The following NAXD variants were observed in gnomAD, a reference collection of about 807,000 sequenced individuals.
NAXD encodes ATP-dependent (S)-NAD(P)H-hydrate dehydratase.
NAXD carries 22 observed loss-of-function variants against 35.8 expected under a neutral mutation model. The observed-to-expected ratio is 0.62, with a 90% CI of 0.44 to 0.88. The LOEUF (loss-of-function observed/expected upper bound fraction) is 0.88. Ranked by LOEUF, NAXD falls within the 40% of genes least tolerant of loss-of-function variation. NAXD has a pLI of 0.00. For missense variants in NAXD, 428 were observed against 437.7 expected (o/e 0.98, Z 0.20); for synonymous variants, 189 against 177.6 (o/e 1.06, Z -0.51).
In NAXD at chr13:110,615,570, C is replaced by G. The variant is rs1886009487; in HGVS notation, c.-32C>G. 7.5e-7 allele frequency: 1 copy of G among 1,337,142 alleles called. No individual in the cohort carries two copies. The highest frequency in any genetic ancestry group is 3.9e-5 in the Admixed American group (1 of 25,920). The allele number at this position is 1,337,142 out of a possible 1,614,324, so 82.8% of individuals were successfully genotyped here. On this transcript the variant is annotated 5_prime_UTR_variant, in exon 1 of 10. Transcript: ENST00000680254. The stretch of plus-strand genomic sequence containing the variant: ...AATGGCTGTGTTTCCGGCGACGGCG[C>G]GGGGGCAGCTGGGAATCCGGAATGC...
rs185279836 is a variant in NAXD at position 110,630,274 on chromosome 13, C to T, written c.441+2727C>T. On this transcript the variant is annotated intron_variant, in intron 5 of 9. Coordinates refer to ENST00000680254, the MANE Select transcript of NAXD (RefSeq NM_001242882.2). ...GAACTCCTGACCTTAGGTATCCGCC[C>T]GCCTCAGCCTCCCAAAGTGCTGGGG... 9.7e-4 allele frequency among the ~76,000 whole-genome samples: 148 copies of T among 152,238 alleles called. 2 individuals are homozygous for T. Among genetic ancestry groups the T allele is most frequent in the African/African-American group, 3.0e-3 (124 of 41,542 alleles).
Position 110,628,905 on chromosome 13 carries a change from C to T in NAXD, c.441+1358C>T, listed in dbSNP as rs7995119. Among the ~76,000 whole-genome samples the T allele has an allele frequency of 0.15, 21,969 of 151,378 alleles. 1,941 individuals carry two copies. The highest frequency in any genetic ancestry group is 0.26 in the Admixed American group (4,010 of 15,256). Reference sequence around the variant, plus strand: ...TATTTTCTTTGTGAATTTAAGTTCACAATTTAAAAACTGGTATCTTAAAAA... The same window carrying T: ...TATTTTCTTTGTGAATTTAAGTTCATAATTTAAAAACTGGTATCTTAAAAA... On this transcript the variant is annotated intron_variant, in intron 5 of 9. Coordinates refer to ENST00000680254, the MANE Select transcript of NAXD (RefSeq NM_001242882.2). This position sits in a 1 kb window ranked among gnomAD's most constrained non-coding sequence, Gnocchi z 4.1.
intron 5 of NAXD, among the ~76,000 whole-genome samples, chr13:110,632,483 G>C (rs1886741609): frequency 6.6e-6 from 1 of 152,172 alleles, no homozygotes; most frequent in African/African-American, 2.4e-5. Flanking sequence ...CCTGCTGATT[G>C]GTAGAGCCGA....
rs1412397083 is a variant in NAXD at position 110,615,770 on chromosome 13, C to T, written c.46+123C>T. ...TCGCGCTGTACGGGCCGCCACTGGA[C>T]GCAGGTACCCGACCGCTGACCGCCT... On this transcript the variant is annotated intron_variant, in intron 1 of 9. Coordinates refer to ENST00000680254, the MANE Select transcript of NAXD (RefSeq NM_001242882.2). The T allele has an allele frequency of 4.3e-6, 6 of 1,396,436 alleles. No individual in the cohort carries two copies. In the Admixed American group the frequency reaches 8.6e-5, roughly 20 times the overall value. 86.5% of individuals were successfully genotyped at this position (1,396,436 alleles called of 1,614,324 possible). A position where few individuals can be genotyped will look rare whatever the true frequency, so the allele number is the denominator to read the frequency against.
chr13:110,638,161 A>G lies in NAXD; in HGVS notation c.840-217A>G, dbSNP rs1034275533. ...CCTGGACCTGTCTCCGAGTACATAG[A>G]CGTTTCCTGTGTGCCTCCTGCCAGG... On this transcript the variant is annotated intron_variant, in intron 9 of 9. Transcript: ENST00000680254. This position sits in a 1 kb window ranked among gnomAD's most constrained non-coding sequence, Gnocchi z 5.4. 2 of 1,369,950 alleles carry G rather than the reference A, an allele frequency of 1.5e-6. No individual in the cohort carries two copies. Among genetic ancestry groups the G allele is most frequent in the African/African-American group, 2.9e-5 (2 of 68,776 alleles). 84.9% of individuals were successfully genotyped at this position (1,369,950 alleles called of 1,614,324 possible).
At chr13:110,627,779 G>C (rs1459787922) in intron 5 of NAXD, among the ~76,000 whole-genome samples, 1 of 152,186 alleles carries the variant, frequency 6.6e-6, no homozygotes, top group South Asian at 2.1e-4. Flanking sequence ...GCTGCAGGAG[G>C]TGTGTGTGTG....
chr13:110,622,518 T>C (rs1019563728), intron 2 of NAXD, 152 bp downstream of exon 2: 41 of 712,184 alleles, frequency 5.8e-5, no homozygotes, highest in Non-Finnish European at 9.0e-5. Flanking sequence ...GATCCACTTT[T>C]TGATTAACTA....
At chr13:110,627,592 T>G (rs765455122) in intron 5 of NAXD, 45 bp downstream of exon 5, 1 of 1,384,832 alleles carries the variant, frequency 7.2e-7, no homozygotes, top group South Asian at 1.2e-5. Flanking sequence ...GGCTTAGCCT[T>G]AGGCGTGAAG....
In NAXD at chr13:110,637,262, C is replaced by G; in HGVS notation, c.839+13C>G. ...AGAAAACAAATGGGTAAGGCCACGT[C>G]TTCATTTATTCTACTTTGAAACCGT... is the stretch of plus-strand genomic sequence containing the variant. On this transcript the variant is annotated intron_variant, in intron 9 of 9. Transcript: ENST00000680254. The G allele has an allele frequency of 1.2e-6, 2 of 1,613,790 alleles. No homozygotes were observed. The highest frequency in any genetic ancestry group is 1.7e-6 in the Non-Finnish European group (2 of 1,179,900).
Position 110,624,167 on chromosome 13 carries a change from T to C in NAXD, c.198-67T>C, listed in dbSNP as rs939588392. On this transcript the variant is annotated intron_variant, in intron 2 of 9. Coordinates refer to ENST00000680254, the MANE Select transcript of NAXD (RefSeq NM_001242882.2). Reference sequence around the variant, plus strand: ...TTATGTCTATTTTTTATTGATAACCTATTTATTGATCAAGGTATGCTTACC... The same window carrying C: ...TTATGTCTATTTTTTATTGATAACCCATTTATTGATCAAGGTATGCTTACC... 3 of 865,650 alleles carry C rather than the reference T, an allele frequency of 3.5e-6. No homozygotes were observed. The African/African-American group carries it at 5.1e-5, about 15-fold the overall frequency. The allele number at this position is 865,650 out of a possible 1,614,324, so 53.6% of individuals were successfully genotyped here. A position where few individuals can be genotyped will look rare whatever the true frequency, so the allele number is the denominator to read the frequency against.
chr13:110,630,588 C>G (rs572772586), intron 5 of NAXD, among the ~76,000 whole-genome samples: 1 of 152,216 alleles, frequency 6.6e-6, no homozygotes, highest in South Asian at 2.1e-4. Context: ...CTGTTGGTGT[C>G]TTATCTCAGA....
rs966802528 is a variant in NAXD, at chr13:110,628,658, C to T, written c.441+1111C>T. On this transcript the variant is annotated intron_variant, in intron 5 of 9. Transcript: ENST00000680254. The surrounding 1 kb of genome is among the most constrained non-coding windows in gnomAD (Gnocchi z 4.1). ...GCGGCGTGGAGTCAGCACGGGAGCCCGTCTTTGAGCTTTAAGGTCTTACCC... is the reference window on the plus strand; with the variant it reads ...GCGGCGTGGAGTCAGCACGGGAGCCTGTCTTTGAGCTTTAAGGTCTTACCC... 5.3e-5 allele frequency among the ~76,000 whole-genome samples: 8 copies of T among 152,142 alleles called. No homozygotes were observed. The South Asian group carries it at 8.3e-4, about 16-fold the overall frequency.
At position 110,638,606 on chromosome 13, in the gene NAXD, G is replaced by C. The variant is rs757383981; in HGVS notation, c.*78G>C. 2.0e-6 allele frequency: 3 copies of C among 1,514,956 alleles called. No individual in the cohort carries two copies. The highest frequency in any genetic ancestry group is 3.3e-5 in the Admixed American group (2 of 59,702). 93.8% of individuals were successfully genotyped at this position (1,514,956 alleles called of 1,614,324 possible). On this transcript the variant is annotated 3_prime_UTR_variant, in exon 10 of 10. Coordinates refer to ENST00000680254, the MANE Select transcript of NAXD (RefSeq NM_001242882.2). The surrounding 1 kb of genome is among the most constrained non-coding windows in gnomAD (Gnocchi z 5.4). ...GTGATGGGAAAATCCGGACCCACGC[G>C]TGTGCTGAAGGCGTACGGTGCTTGC...
chr13:110,628,127 G>A lies in NAXD; in HGVS notation c.441+580G>A, dbSNP rs143775857. Among the ~76,000 whole-genome samples, 4 of 152,332 alleles carry A rather than the reference G, an allele frequency of 2.6e-5. No homozygotes were observed. Among genetic ancestry groups the A allele is most frequent in the African/African-American group, 9.6e-5 (4 of 41,576 alleles). ...TTATTCTGATCACTTTGTGCCTGCT[G>A]TAAATAAATACCACCTGGGATCAGG... On this transcript the variant is annotated intron_variant, in intron 5 of 9. Coordinates refer to ENST00000680254, the MANE Select transcript of NAXD (RefSeq NM_001242882.2). The surrounding 1 kb of genome is among the most constrained non-coding windows in gnomAD (Gnocchi z 4.1).
intron 1 of NAXD, among the ~76,000 whole-genome samples, chr13:110,621,799 G>A (rs1886275207): frequency 6.6e-6 from 1 of 152,156 alleles, no homozygotes; most frequent in Admixed American, 6.5e-5. Flanking sequence ...AGAGGCTGCA[G>A]CTGGCAGATC....
chr13:110,638,765 T>C lies in NAXD; in HGVS notation c.*237T>C. On this transcript the variant is annotated 3_prime_UTR_variant, in exon 10 of 10. Transcript: ENST00000680254. This position sits in a 1 kb window ranked among gnomAD's most constrained non-coding sequence, Gnocchi z 5.4. ...TAAACAAAGTATTCCTGAACTTTCCTTAGCTCCTTGGTAGTAACTGGGAAG... is the reference window on the plus strand; with the variant it reads ...TAAACAAAGTATTCCTGAACTTTCCCTAGCTCCTTGGTAGTAACTGGGAAG... 1.5e-6 allele frequency: 1 copy of C among 682,994 alleles called. No homozygotes were observed. The allele number at this position is 682,994 out of a possible 1,614,324, so 42.3% of individuals were successfully genotyped here. A position where few individuals can be genotyped will look rare whatever the true frequency, so the allele number is the denominator to read the frequency against.
Position 110,622,348 on chromosome 13 carries a change from T to G in NAXD, c.179T>G (p.Val60Gly). Residue 60 changes from valine (V) to glycine (G), a missense_variant, in exon 2 of 10, where the codon GTA becomes GGA. Val to Gly is a moderately radical substitution (Grantham distance 109, BLOSUM62 -3). Transcript: ENST00000680254. ...AAAGGGCAAGATGGAAGAATAGGCGTAGTTGGAGGCTGTCAGGAGTAAGTA... is the reference window on the plus strand; with the variant it reads ...AAAGGGCAAGATGGAAGAATAGGCGGAGTTGGAGGCTGTCAGGAGTAAGTA... ...KHKGQDGRIG[V>G]VGGCQEYTGA... 6.2e-7 allele frequency: 1 copy of G among 1,614,176 alleles called. No homozygotes were observed. The highest frequency in any genetic ancestry group is 8.5e-7 in the Non-Finnish European group (1 of 1,180,016).
At chr13:110,637,046 G>T (rs892175537) in intron 8 of NAXD, 83 bp from the exon 9 acceptor site, 3 of 1,479,230 alleles carry the variant, frequency 2.0e-6, no homozygotes, top group Non-Finnish European at 2.7e-6. Context: ...TCTGCCTGCC[G>T]TGCGGCCTTC....
Position 110,627,459 on chromosome 13 carries a change from A to T in NAXD, c.353A>T (p.His118Leu). 6.2e-7 allele frequency: 1 copy of T among 1,613,970 alleles called. No homozygotes were observed. The highest frequency in any genetic ancestry group is 8.5e-7 in the Non-Finnish European group (1 of 1,179,878). ...HPVLDSPNAV[H>L]EVEKWLPRLH... The stretch of plus-strand genomic sequence containing the variant: ...TTTAGTGACAGCCCCAATGCTGTTC[A>T]TGAGGTGGAGAAGTGGCTGCCCCGG... The change falls in exon 5 of 10, where the codon CAT becomes CTT. Residue 118 changes from histidine (H) to leucine (L), a missense_variant. By Grantham distance (99) the His-to-Leu change is moderately conservative. This residue lies in a region of NAXD where 208 missense variants were observed against 193.0 expected (regional missense o/e 1.08). Coordinates refer to ENST00000680254, the MANE Select transcript of NAXD (RefSeq NM_001242882.2).
Sources: gnomAD v4.1 joint callset for allele counts (sites outside exome capture counted in the v4.1 genomes callset) on GRCh38, gnomAD v4.1.1 for gene constraint, gnomAD v4.1.1 regional missense constraint, Gnocchi (gnomAD v3.1) non-coding constraint, MANE v1.5 for transcripts, NCBI Gene and HGNC (gene_info 2026-07-23, HGNC 2026-07-21) for gene names.